KCNN2: variants seen among roughly 807,000 people sequenced by gnomAD.
KCNN2 encodes the protein small conductance calcium-activated potassium channel protein 2.
Under a neutral mutation model 55.5 loss-of-function variants are expected in KCNN2, and 24 were observed. That is an observed-to-expected ratio of 0.43 (90% CI 0.31 to 0.61). KCNN2 has a LOEUF of 0.61. Ranked by LOEUF, KCNN2 falls within the 20% of genes least tolerant of loss-of-function variation. The pLI, the probability that KCNN2 is intolerant of heterozygous loss-of-function variation, is 0.08. For synonymous variants in KCNN2, 431 were observed against 336.1 expected (o/e 1.28, Z -3.09); for missense variants, 754 against 853.6 (o/e 0.88, Z 1.45).
At chr5:114,119,626 G>A (rs760470413) in intron 1 of KCNN2, among the ~76,000 whole-genome samples, 7 of 152,110 alleles carry the variant, frequency 4.6e-5, no homozygotes, top group Non-Finnish European at 7.4e-5. Flanking sequence ...GAAGCATCCC[G>A]TCTTCCTCCT....
intron 3 of KCNN2, among the ~76,000 whole-genome samples, chr5:114,442,928 C>T (rs1199648028): frequency 2.6e-5 from 4 of 151,980 alleles, no homozygotes; most frequent in South Asian, 2.1e-4. Flanking sequence ...TAAATTGGAA[C>T]GTCATTTAGA....
chr5:114,487,800 G>T (rs1747647506), intron 6 of KCNN2, among the ~76,000 whole-genome samples: 1 of 152,108 alleles, frequency 6.6e-6, no homozygotes, highest in African/African-American at 2.4e-5. Flanking sequence ...CCTCCGGGCT[G>T]GCATAATCCT....
intron 3 of KCNN2, among the ~76,000 whole-genome samples, chr5:114,423,395 A>G (rs1759526951): frequency 6.6e-6 from 1 of 152,206 alleles, no homozygotes; most frequent in South Asian, 2.1e-4. Flanking sequence ...AGCCTAAATA[A>G]AGAGGCTAAT....
At chr5:114,142,794 T>A (rs886151625) in intron 1 of KCNN2, among the ~76,000 whole-genome samples, 1 of 152,120 alleles carries the variant, frequency 6.6e-6, no homozygotes, top group Non-Finnish European at 1.5e-5. Context: ...TACTGCCCAA[T>A]GTAATTTATA....
Position 114,143,645 on chromosome 5 carries a change from C to T in KCNN2, c.-270-77835C>T, listed in dbSNP as rs183093149. Among the ~76,000 whole-genome samples the T allele has an allele frequency of 1.2e-4, 19 of 152,246 alleles. No individual in the cohort carries two copies. In the South Asian group the frequency reaches 3.3e-3, roughly 27 times the overall value. On this transcript the variant is annotated intron_variant, in intron 1 of 10. Transcript: ENST00000512097. The stretch of plus-strand genomic sequence containing the variant: ...AGGAATCTTGGTGATGTGAAACCTC[C>T]GTGACTGCACGTCCATTCATAGGCT...
At chr5:114,380,504 C>T (rs575640713) in intron 2 of KCNN2, among the ~76,000 whole-genome samples, 1 of 152,204 alleles carries the variant, frequency 6.6e-6, no homozygotes, top group South Asian at 2.1e-4. Context: ...CAGTGATTTC[C>T]CACAACCTTT....
At chr5:114,157,090 T>G (rs940281194) in intron 1 of KCNN2, among the ~76,000 whole-genome samples, 2 of 151,896 alleles carry the variant, frequency 1.3e-5, no homozygotes, top group Non-Finnish European at 2.9e-5. Flanking sequence ...GTGCCATGTT[T>G]GTGTGCTGCA....
chr5:114,092,639 C>T (rs1408430224), intron 1 of KCNN2, among the ~76,000 whole-genome samples: 3 of 152,234 alleles, frequency 2.0e-5, no homozygotes, highest in Non-Finnish European at 2.9e-5. Flanking sequence ...TCTGCCTGGA[C>T]ATCAGGCATT....
intron 1 of KCNN2, 151 bp downstream of exon 1, chr5:114,363,412 T>C (rs1323249986): frequency 4.0e-5 from 40 of 1,003,020 alleles, no homozygotes; most frequent in Non-Finnish European, 5.5e-5. Context: ...AGGACGCGCA[T>C]CCGTAGTCAG....
In KCNN2 at chr5:114,219,963, T is replaced by G. The variant is rs1358311216; in HGVS notation, c.-270-1517T>G. On this transcript the variant is annotated intron_variant, in intron 1 of 10. Coordinates refer to the KCNN2 transcript ENST00000512097. ...AGTTTTAGGCTTTGTGGGTCAAAAATTGTCTTTGTTGCATATTATTCTATA... is the reference window on the plus strand; with the variant it reads ...AGTTTTAGGCTTTGTGGGTCAAAAAGTGTCTTTGTTGCATATTATTCTATA... 4.6e-5 allele frequency among the ~76,000 whole-genome samples: 7 copies of G among 152,334 alleles called. No homozygotes were observed. In the Middle Eastern group the frequency reaches 0.014, roughly 296 times the overall value.
intron 1 of KCNN2, among the ~76,000 whole-genome samples, chr5:114,214,917 G>A (rs996153098): frequency 1.3e-5 from 2 of 152,100 alleles, no homozygotes; most frequent in Admixed American, 1.3e-4. Flanking sequence ...ATACTCATGT[G>A]GTTTTGGTAA....
chr5:114,465,587 G>A (rs1761407297), intron 4 of KCNN2, among the ~76,000 whole-genome samples: 1 of 151,580 alleles, frequency 6.6e-6, no homozygotes, highest in South Asian at 2.1e-4. Flanking sequence ...ACTCTAGCCT[G>A]GGCAACAAGA....
Position 114,336,115 on chromosome 5 carries a change from C to T in KCNN2, c.-184-24830C>T, listed in dbSNP as rs556606923. Among the ~76,000 whole-genome samples, 53 of 152,166 alleles carry T rather than the reference C, an allele frequency of 3.5e-4. No individual in the cohort carries two copies. The South Asian group carries it at 3.5e-3, about 10-fold the overall frequency. On this transcript the variant is annotated intron_variant, in intron 2 of 10. Coordinates refer to the KCNN2 transcript ENST00000512097. ...ATGGTCATAACTGCCTTTAAGTACA[C>T]GAATAAGGAGGATTAGTTGTTTACC... is the stretch of plus-strand genomic sequence containing the variant.
chr5:114,191,249 G>A (rs891954527), intron 1 of KCNN2, among the ~76,000 whole-genome samples: 2 of 152,132 alleles, frequency 1.3e-5, no homozygotes, highest in Non-Finnish European at 2.9e-5. Flanking sequence ...TGTTAGAGAT[G>A]TTTTACCTTT....
intron 1 of KCNN2, among the ~76,000 whole-genome samples, chr5:114,157,168 A>C (rs4705629): frequency 8.5e-6 from 1 of 117,672 alleles, no homozygotes; most frequent in African/African-American, 3.6e-5. Flanking sequence ...CCCCTACCCT[A>C]CAGCAGTCCC....
chr5:114,427,044 A>G (rs1297602684), intron 3 of KCNN2, among the ~76,000 whole-genome samples: 1 of 152,188 alleles, frequency 6.6e-6, no homozygotes, highest in Non-Finnish European at 1.5e-5. Context: ...AAATTGAACC[A>G]AGTGGGAACA....
At chr5:114,305,656 A>C (rs114926053) in intron 2 of KCNN2, among the ~76,000 whole-genome samples, 2 of 152,146 alleles carry the variant, frequency 1.3e-5, no homozygotes, top group African/African-American at 4.8e-5. Flanking sequence ...ATGGCAAGGC[A>C]CTGCTGGATG....
At chr5:114,206,115 T>A (rs375084709) in intron 1 of KCNN2, among the ~76,000 whole-genome samples, 1 of 152,218 alleles carries the variant, frequency 6.6e-6, no homozygotes, top group East Asian at 1.9e-4. Flanking sequence ...TTAATTTGGT[T>A]GTTAGTTTTT....
At chr5:114,255,660 C>A (rs1754967127) in intron 2 of KCNN2, among the ~76,000 whole-genome samples, 3 of 151,840 alleles carry the variant, frequency 2.0e-5, no homozygotes, top group African/African-American at 7.3e-5. Flanking sequence ...ATGATGGCCA[C>A]AATAGTAGGA....
Sources: allele counts gnomAD v4.1 joint callset (sites outside exome capture counted in the v4.1 genomes callset), GRCh38; gene constraint gnomAD v4.1.1; transcripts MANE v1.5; gene names NCBI Gene and HGNC (gene_info 2026-07-23, HGNC 2026-07-21).